RBKS: variants seen among roughly 807,000 people sequenced by gnomAD.
RBKS encodes the protein ribokinase.
RBKS carries 33 observed loss-of-function variants against 33.9 expected under a neutral mutation model. That is an observed-to-expected ratio of 0.97 (90% CI 0.74 to 1.30). The LOEUF is 1.30. Among genes scored for constraint, RBKS ranks in the 50% most tolerant of loss-of-function variants. The pLI is 0.00. For synonymous variants in RBKS, 125 were observed against 143.0 expected (o/e 0.87, Z 0.90); for missense variants, 361 against 392.6 (o/e 0.92, Z 0.68).
At chr2:27,841,763 GTTCTT>G (rs1451690533) in intron 5 of RBKS, among the ~76,000 whole-genome samples, 5 of 90,936 alleles carry the variant, frequency 5.5e-5, no homozygotes, top group African/African-American at 2.6e-4. Context: ...CACACACACT[GTTCTT>G]TTTCTTTTTT....
intron 1 of RBKS, among the ~76,000 whole-genome samples, chr2:27,882,387 A>T (rs371716004): frequency 6.6e-6 from 1 of 152,254 alleles, no homozygotes; most frequent in Non-Finnish European, 1.5e-5. Context: ...ATACCATCTC[A>T]TACCAGTCAG....
intron 5 of RBKS, among the ~76,000 whole-genome samples, chr2:27,842,058 G>A (rs963899619): frequency 1.3e-5 from 2 of 152,088 alleles, no homozygotes; most frequent in African/African-American, 4.8e-5. Flanking sequence ...TTCTGCAGAT[G>A]GAGTATTTCT....
At chr2:27,870,314 A>C (rs1017174322) in intron 1 of RBKS, 1 of 155,928 alleles carries the variant, frequency 6.4e-6, no homozygotes, top group Non-Finnish European at 1.4e-5. Flanking sequence ...TCTCCCCTGA[A>C]GTGACAGATC....
chr2:27,832,759 G>A lies in RBKS; in HGVS notation c.533C>T (p.Pro178Leu), dbSNP rs143883022. 388 of 1,611,674 alleles carry A rather than the reference G, an allele frequency of 2.4e-4. 2 individuals carry two copies. The African/African-American group carries it at 4.4e-3, about 18-fold the overall frequency. The change falls in exon 6 of 8, where the codon CCA becomes CTA. Residue 178 changes from proline (P) to leucine (L), a missense_variant. Pro to Leu is a moderately conservative substitution (Grantham distance 98). Transcript: ENST00000302188. ...ATCCAGGTCAGCAATGGCAGGGGCT[G>A]GATTGAACAAGGTTTTCACTACAAA... The part of the protein sequence containing the change: ...RRSGVKTLFN[P>L]APAIADLDPQ...
chr2:27,827,777 A>G lies in RBKS; in HGVS notation c.607-22T>C, dbSNP rs377724532. On this transcript the variant is annotated intron_variant, in intron 6 of 7. Transcript: ENST00000302188. Reference sequence around the variant, plus strand: ...CAGCCTAGAATACACAAAAGTCAACAGAAACAGTGGTGAAAATAAGTAACC... The same window carrying G: ...CAGCCTAGAATACACAAAAGTCAACGGAAACAGTGGTGAAAATAAGTAACC... The G allele has an allele frequency of 7.1e-6, 11 of 1,542,670 alleles. No individual in the cohort carries two copies. The African/African-American group carries it at 1.5e-4, about 22-fold the overall frequency.
intron 6 of RBKS, among the ~76,000 whole-genome samples, chr2:27,831,630 A>G (rs1227596017): frequency 6.6e-6 from 1 of 152,226 alleles, no homozygotes; most frequent in East Asian, 1.9e-4. Flanking sequence ...AAAAGCCTTC[A>G]TATAGACTTT....
At chr2:27,792,350 T>C (rs527916183) in intron 7 of RBKS, among the ~76,000 whole-genome samples, 17 of 152,356 alleles carry the variant, frequency 1.1e-4, no homozygotes, top group Admixed American at 5.9e-4. Flanking sequence ...TGTTTTCTTA[T>C]ATATAAAATG....
At chr2:27,862,521 C>T (rs1185344326) in intron 1 of RBKS, among the ~76,000 whole-genome samples, 1 of 152,206 alleles carries the variant, frequency 6.6e-6, no homozygotes, top group Non-Finnish European at 1.5e-5. Context: ...TGGCTTCTCG[C>T]AGGTGTCACC....
chr2:27,808,371 TAAGA>T (rs879499262), intron 7 of RBKS, among the ~76,000 whole-genome samples: 5 of 152,246 alleles, frequency 3.3e-5, no homozygotes, highest in South Asian at 4.1e-4. Flanking sequence ...TAACCATTTT[TAAGA>T]AAGAGTACAG....
chr2:27,820,144 G>A (rs929111858), intron 7 of RBKS, among the ~76,000 whole-genome samples: 3 of 152,138 alleles, frequency 2.0e-5, no homozygotes, highest in African/African-American at 4.8e-5. Context: ...ATAGCTTTTG[G>A]TCATGCCCAA....
At chr2:27,808,437 C>T (rs1209324730) in intron 7 of RBKS, among the ~76,000 whole-genome samples, 3 of 152,160 alleles carry the variant, frequency 2.0e-5, no homozygotes, top group Admixed American at 2.0e-4. Flanking sequence ...GAGTCAAAGA[C>T]AAAAGAAATC....
chr2:27,885,039 T>A (rs1664500887), intron 1 of RBKS, among the ~76,000 whole-genome samples: 1 of 152,052 alleles, frequency 6.6e-6, no homozygotes, highest in South Asian at 2.1e-4. Context: ...CAAACTCTTG[T>A]ATCTATTTTC....
intron 1 of RBKS, among the ~76,000 whole-genome samples, chr2:27,883,172 G>A (rs1053414396): frequency 6.6e-6 from 1 of 151,506 alleles, no homozygotes; most frequent in African/African-American, 2.4e-5. Context: ...AAGACAAGCA[G>A]TAACCATGTT....
chr2:27,887,468 C>G (rs1308652901), intron 1 of RBKS, among the ~76,000 whole-genome samples: 3 of 152,154 alleles, frequency 2.0e-5, no homozygotes, highest in Admixed American at 2.0e-4. Flanking sequence ...CTAATATAAT[C>G]ATGATACTAA....
At chr2:27,812,254 G>A (rs975427180) in intron 7 of RBKS, among the ~76,000 whole-genome samples, 1 of 152,162 alleles carries the variant, frequency 6.6e-6, no homozygotes, top group Non-Finnish European at 1.5e-5. Context: ...CTTTTACACT[G>A]TTGGTGGGAC....
chr2:27,830,198 G>A (rs1332282629), intron 6 of RBKS, among the ~76,000 whole-genome samples: 1 of 152,084 alleles, frequency 6.6e-6, no homozygotes, highest in African/African-American at 2.4e-5. Context: ...TGTGTTTGGA[G>A]CAGAGTGAGT....
At chr2:27,844,236 G>C (rs1034888399) in intron 4 of RBKS, among the ~76,000 whole-genome samples, 1 of 149,046 alleles carries the variant, frequency 6.7e-6, no homozygotes, top group Non-Finnish European at 1.5e-5. Context: ...TTCCAGCCTG[G>C]GCAAGAGTGA....
intron 1 of RBKS, among the ~76,000 whole-genome samples, chr2:27,864,648 T>G (rs1380544016): frequency 6.9e-6 from 1 of 144,576 alleles, no homozygotes; most frequent in African/African-American, 2.6e-5. Context: ...AATATAATTT[T>G]TAAGTATTGA....
chr2:27,851,285 C>G lies in RBKS; in HGVS notation c.223-3188G>C, dbSNP rs147679530. Reference sequence around the variant, plus strand: ...ACTAAATCAAACCTCACCTGTTTTTCAAGTATCAGCTTAAGGTCTACCTTC... The same window carrying G: ...ACTAAATCAAACCTCACCTGTTTTTGAAGTATCAGCTTAAGGTCTACCTTC... On this transcript the variant is annotated intron_variant, in intron 2 of 7. Coordinates refer to ENST00000302188, the MANE Select transcript of RBKS (RefSeq NM_022128.3). Among the ~76,000 whole-genome samples the G allele has an allele frequency of 2.6e-5, 4 of 152,296 alleles. No homozygotes were observed. The East Asian group carries it at 7.7e-4, about 29-fold the overall frequency.
Sources: allele counts gnomAD v4.1 joint callset (sites outside exome capture counted in the v4.1 genomes callset), GRCh38; gene constraint gnomAD v4.1.1; transcripts MANE v1.5; gene names NCBI Gene and HGNC (gene_info 2026-07-23, HGNC 2026-07-21).